Variants in MEOX2 observed in about 807,000 individuals in gnomAD.
MEOX2 encodes mesenchyme homeobox 2.
MEOX2 carries 11 observed loss-of-function variants against 27.0 expected under a neutral mutation model. The ratio of observed to expected loss-of-function variants is 0.41; its 90% confidence interval spans 0.26 to 0.68. MEOX2 has a LOEUF of 0.68. MEOX2 is among the 30% of genes least tolerant of loss of function. MEOX2 has a pLI of 0.33. For synonymous variants in MEOX2, 189 were observed against 155.4 expected (o/e 1.22, Z -1.61); for missense variants, 436 against 385.4 (o/e 1.13, Z -1.10).
intron 1 of MEOX2, chr7:15,681,116 AT>A (rs1404404573): frequency 6.6e-6 from 1 of 151,834 alleles, no homozygotes; most frequent in African/African-American, 2.4e-5. Flanking sequence ...CCTACCTGTA[AT>A]TTATTTTCTA....
intron 1 of MEOX2, among the ~76,000 whole-genome samples, chr7:15,643,393 C>G (rs1043870957): frequency 1.3e-5 from 2 of 152,176 alleles, no homozygotes; most frequent in Non-Finnish European, 2.9e-5. Context: ...GGTACAAGCA[C>G]TGACCTTGGT....
At chr7:15,664,070 A>G (rs1781958745) in intron 1 of MEOX2, among the ~76,000 whole-genome samples, 1 of 152,200 alleles carries the variant, frequency 6.6e-6, no homozygotes, top group African/African-American at 2.4e-5. Context: ...TTCTTTTAGC[A>G]TCATGATTGT....
intron 1 of MEOX2, among the ~76,000 whole-genome samples, chr7:15,656,510 G>C (rs945197521): frequency 6.7e-6 from 1 of 148,558 alleles, no homozygotes; most frequent in Non-Finnish European, 1.5e-5. Context: ...TCATGTTTTT[G>C]AGTGTATCTC....
chr7:15,654,391 G>A (rs1406263007), intron 1 of MEOX2, among the ~76,000 whole-genome samples: 1 of 151,156 alleles, frequency 6.6e-6, no homozygotes, highest in Non-Finnish European at 1.5e-5. Flanking sequence ...TTTCTGATCT[G>A]TATGCATTTT....
At chr7:15,627,351 C>A (rs1191633368) in intron 1 of MEOX2, among the ~76,000 whole-genome samples, 2 of 151,962 alleles carry the variant, frequency 1.3e-5, no homozygotes, top group African/African-American at 4.8e-5. Flanking sequence ...GAAATTCAAA[C>A]GTTTAGCAAC....
rs753470533 is a variant in MEOX2, at chr7:15,686,115, C to T, written c.288G>A (p.Gln96=). Residue 96 remains glutamine, a synonymous_variant, in exon 1 of 3, where the codon CAG becomes CAA. Transcript: ENST00000262041. ...GAGCCGCACTCGGTGGGGAAGACAT[C>T]TGCGGGAGGTGCCAGTTGGTTTGCA... The part of the protein sequence containing the change: ...QALQTNWHLP[Q]MSSPPSAARH... The T allele has an allele frequency of 2.0e-5, 32 of 1,582,598 alleles. No homozygotes were observed. Among genetic ancestry groups the T allele is most frequent in the Non-Finnish European group, 2.7e-5 (31 of 1,165,240 alleles).
intron 1 of MEOX2, among the ~76,000 whole-genome samples, chr7:15,670,794 G>A (rs1782082515): frequency 6.6e-6 from 1 of 152,074 alleles, no homozygotes; most frequent in Non-Finnish European, 1.5e-5. Context: ...GTCTGACATT[G>A]CTCTCCAGGT....
intron 1 of MEOX2, among the ~76,000 whole-genome samples, chr7:15,648,097 CAT>C (rs1583765912): frequency 6.6e-6 from 1 of 151,808 alleles, no homozygotes; most frequent in African/African-American, 2.4e-5. Flanking sequence ...TCCTTAATGA[CAT>C]ATATTTTTAA....
chr7:15,636,095 A>G (rs1185363209), intron 1 of MEOX2, among the ~76,000 whole-genome samples: 1 of 151,984 alleles, frequency 6.6e-6, no homozygotes, highest in African/African-American at 2.4e-5. Flanking sequence ...CCTAGTGGTT[A>G]AAGTATTAAA....
intron 1 of MEOX2, chr7:15,680,931 C>A (rs1332309808): frequency 6.6e-6 from 1 of 151,404 alleles, no homozygotes; most frequent in Non-Finnish European, 1.5e-5. Flanking sequence ...ATGTAACTGG[C>A]CAGTTGAGAA....
intron 1 of MEOX2, among the ~76,000 whole-genome samples, chr7:15,654,172 G>A (rs756287478): frequency 4.6e-5 from 7 of 151,880 alleles, no homozygotes; most frequent in Non-Finnish European, 8.8e-5. Context: ...ATTGGAGCTC[G>A]AATTGTGTTT....
intron 1 of MEOX2, among the ~76,000 whole-genome samples, chr7:15,649,564 TAAG>T (rs879861920): frequency 4.0e-5 from 6 of 151,834 alleles, no homozygotes; most frequent in Non-Finnish European, 8.8e-5. Context: ...ACAAGAAAAA[TAAG>T]AACAAAGACT....
rs1781026835 is a variant in MEOX2 at position 15,611,351 on chromosome 7, A to C, written c.*1036T>G. 1 of 152,506 alleles carries C rather than the reference A, an allele frequency of 6.6e-6. No individual in the cohort carries two copies. The allele number at this position is 152,506 out of a possible 1,614,324, so 9.4% of individuals were successfully genotyped here. A position where few individuals can be genotyped will look rare whatever the true frequency, so the allele number is the denominator to read the frequency against. ...GAAGATATTCAGAATTTTGTTTTCT[A>C]TCAACTTGAGCAACCAGTTTCGCTT... On this transcript the variant is annotated 3_prime_UTR_variant, in exon 3 of 3. Coordinates refer to ENST00000262041, the MANE Select transcript of MEOX2 (RefSeq NM_005924.5).
At chr7:15,629,852 T>C (rs988574592) in intron 1 of MEOX2, among the ~76,000 whole-genome samples, 34 of 152,178 alleles carry the variant, frequency 2.2e-4, no homozygotes, top group African/African-American at 7.5e-4. Context: ...TAGACTTTCT[T>C]TGGTAGAAAA....
At chr7:15,650,835 A>G (rs1179113634) in intron 1 of MEOX2, among the ~76,000 whole-genome samples, 5 of 152,098 alleles carry the variant, frequency 3.3e-5, no homozygotes, top group Admixed American at 2.0e-4. Flanking sequence ...AGAACAGGCA[A>G]GAAGACAACA....
chr7:15,627,945 G>T (rs1310241043), intron 1 of MEOX2, among the ~76,000 whole-genome samples: 1 of 151,838 alleles, frequency 6.6e-6, no homozygotes, highest in African/African-American at 2.4e-5. Context: ...ATTATTTCTG[G>T]TATCTAATTA....
intron 1 of MEOX2, among the ~76,000 whole-genome samples, chr7:15,643,367 C>T (rs1314754512): frequency 6.6e-6 from 1 of 152,150 alleles, no homozygotes; most frequent in Non-Finnish European, 1.5e-5. Flanking sequence ...ACTCAGCCAC[C>T]AGGCTCTCCA....
At chr7:15,629,611 T>C (rs1021757302) in intron 1 of MEOX2, among the ~76,000 whole-genome samples, 1 of 152,114 alleles carries the variant, frequency 6.6e-6, no homozygotes, top group Non-Finnish European at 1.5e-5. Flanking sequence ...AGAACGTTCA[T>C]GTAGTTGAAG....
intron 2 of MEOX2, among the ~76,000 whole-genome samples, chr7:15,618,350 CT>C (rs550353144): frequency 2.0e-5 from 3 of 151,820 alleles, no homozygotes; most frequent in East Asian, 1.9e-4. Flanking sequence ...AAATTAGGCA[CT>C]TTTTTTCTTT....
Sources: gnomAD v4.1 joint callset for allele counts (sites outside exome capture counted in the v4.1 genomes callset) on GRCh38, gnomAD v4.1.1 for gene constraint, MANE v1.5 for transcripts, NCBI Gene and HGNC (gene_info 2026-07-23, HGNC 2026-07-21) for gene names.